Variants in FAM20B observed in about 807,000 individuals in gnomAD.
FAM20B encodes FAM20B glycosaminoglycan xylosylkinase, also known as glycosaminoglycan xylosylkinase.
A neutral mutation model predicts 43.8 loss-of-function variants in FAM20B; 23 were observed. The ratio of observed to expected loss-of-function variants is 0.53; its 90% CI spans 0.38 to 0.74. The LOEUF is 0.74. Among genes scored for constraint, FAM20B ranks in the 30% least tolerant of loss-of-function variants. The pLI, the probability that FAM20B is intolerant of heterozygous loss-of-function variation, is 0.00. For synonymous variants in FAM20B, 178 were observed against 192.4 expected (o/e 0.93, Z 0.62); for missense variants, 440 against 510.5 (o/e 0.86, Z 1.33).
intron 7 of FAM20B, among the ~76,000 whole-genome samples, chr1:179,070,899 C>G (rs1651894349): frequency 6.6e-6 from 1 of 152,054 alleles, no homozygotes; most frequent in African/African-American, 2.4e-5. Context: ...TTAAAAGACT[C>G]TACCTTGATA....
chr1:179,025,417 G>C (rs1461125618), upstream of FAM20B, among the ~76,000 whole-genome samples: 1 of 152,162 alleles, frequency 6.6e-6, no homozygotes, highest in Non-Finnish European at 1.5e-5. Flanking sequence ...AGAAGCGGGG[G>C]ATACATTTAG....
At chr1:179,029,053 G>A (rs888561873) in intron 1 of FAM20B, among the ~76,000 whole-genome samples, 1 of 152,214 alleles carries the variant, frequency 6.6e-6, no homozygotes, top group African/African-American at 2.4e-5. Flanking sequence ...TCACAACCTT[G>A]CTCCTACAGT....
chr1:179,026,326 G>C (rs1324594846), intron 1 of FAM20B, among the ~76,000 whole-genome samples: 1 of 151,760 alleles, frequency 6.6e-6, no homozygotes, highest in Non-Finnish European at 1.5e-5. Flanking sequence ...TGGGAGACCC[G>C]CTCGGGCCGC....
the FAM20B span, among the ~76,000 whole-genome samples, chr1:179,017,554 A>G: frequency 3.3e-5 from 5 of 152,214 alleles, no homozygotes; most frequent in East Asian, 9.6e-4. Context: ...AATTATTTTC[A>G]TTTTCCTTGT....
At chr1:179,062,238 T>C (rs755675687) in intron 4 of FAM20B, among the ~76,000 whole-genome samples, 2 of 152,178 alleles carry the variant, frequency 1.3e-5, no homozygotes, top group Non-Finnish European at 2.9e-5. Flanking sequence ...TGCTCATTAC[T>C]TCCTGGGTGT....
At chr1:179,053,372 G>T (rs1307489623) in intron 3 of FAM20B, among the ~76,000 whole-genome samples, 1 of 152,106 alleles carries the variant, frequency 6.6e-6, no homozygotes, top group African/African-American at 2.4e-5. Context: ...GGAGTTCCAG[G>T]CTGCAGGGAG....
At chr1:179,036,510 T>A (rs1650234255) in intron 1 of FAM20B, among the ~76,000 whole-genome samples, 1 of 152,162 alleles carries the variant, frequency 6.6e-6, no homozygotes, top group Admixed American at 6.5e-5. Context: ...TCTGAGAATG[T>A]TAGTGAGGTT....
At chr1:179,029,284 T>A (rs772827821) in intron 1 of FAM20B, among the ~76,000 whole-genome samples, 15 of 152,254 alleles carry the variant, frequency 9.9e-5, no homozygotes, top group Non-Finnish European at 1.3e-4. Flanking sequence ...TTCCTTCAGC[T>A]GTCTCTGTAA....
intron 1 of FAM20B, among the ~76,000 whole-genome samples, chr1:179,029,774 A>G (rs543459416): frequency 1.3e-5 from 2 of 152,352 alleles, no homozygotes; most frequent in East Asian, 3.9e-4. Context: ...TTTCTGCTTT[A>G]TATACATAGC....
At chr1:179,022,109 C>A (rs1415233346), upstream of FAM20B, among the ~76,000 whole-genome samples, 5 of 152,144 alleles carry the variant, frequency 3.3e-5, no homozygotes, top group Non-Finnish European at 7.3e-5. Context: ...AAGAGGCGGG[C>A]TGGGAGTAGC....
upstream of FAM20B, among the ~76,000 whole-genome samples, chr1:179,025,550 G>C (rs1557862691): frequency 2.0e-5 from 3 of 152,168 alleles, no homozygotes; most frequent in African/African-American, 7.2e-5. Flanking sequence ...CTGCTTGGCT[G>C]CCTACCTACC....
intron 4 of FAM20B, among the ~76,000 whole-genome samples, chr1:179,055,028 C>T (rs1393485061): frequency 6.6e-6 from 1 of 152,134 alleles, no homozygotes; most frequent in Non-Finnish European, 1.5e-5. Flanking sequence ...GAACTGTCTC[C>T]CATCTCCTTA....
rs1056842473 is a variant in FAM20B at position 179,050,294 on chromosome 1, T to C, written c.393T>C (p.His131=). 3.1e-6 allele frequency: 5 copies of C among 1,613,404 alleles called. No homozygotes were observed. The highest frequency in any genetic ancestry group is 2.5e-6 in the Non-Finnish European group (3 of 1,179,498). Reference sequence around the variant, plus strand: ...CACTTTGCAGGTATAGCCGAGACCATGTGGTGGAAGGGGAACCGTATGCTG... The same window carrying C: ...CACTTTGCAGGTATAGCCGAGACCACGTGGTGGAAGGGGAACCGTATGCTG... ...VFKPKRYSRD[H]VVEGEPYAGY... Residue 131 remains histidine (H), a synonymous_variant, in exon 3 of 8, where the codon CAT becomes CAC. Coordinates refer to ENST00000263733, the MANE Select transcript of FAM20B (RefSeq NM_014864.4).
chr1:179,043,633 CAT>C (rs1650636189), intron 1 of FAM20B, 80 bp from the exon 2 acceptor site: 1 of 479,596 alleles, frequency 2.1e-6, no homozygotes, highest in Non-Finnish European at 3.7e-6. Context: ...AAGGGTGAGT[CAT>C]ATATTAGAGG....
intron 4 of FAM20B, among the ~76,000 whole-genome samples, chr1:179,058,957 T>A (rs12076957): frequency 0.024 from 3,597 of 152,304 alleles, 96 homozygotes; most frequent in East Asian, 0.073. Context: ...ATTTTAGGAA[T>A]GTAGGGAGAG....
At chr1:179,066,070 T>A (rs547895558) in intron 6 of FAM20B, among the ~76,000 whole-genome samples, 1 of 152,242 alleles carries the variant, frequency 6.6e-6, no homozygotes, top group South Asian at 2.1e-4. Context: ...GTACCAGGGA[T>A]TACGAATTTG....
intron 4 of FAM20B, among the ~76,000 whole-genome samples, chr1:179,057,883 G>T (rs904503118): frequency 6.6e-6 from 1 of 152,054 alleles, no homozygotes; most frequent in African/African-American, 2.4e-5. Flanking sequence ...GTGATAATTC[G>T]TGAAGGTGAT....
At position 179,072,716 on chromosome 1, in the gene FAM20B, T is replaced by A. The variant is rs1651977553; in HGVS notation, c.*572T>A. ...GGAGGGAAGGACAAAAACAGAAAAA[T>A]GTTTGGGCTTTTAAGCCATTGGGTA... On this transcript the variant is annotated 3_prime_UTR_variant, in exon 8 of 8. Coordinates refer to ENST00000263733, the MANE Select transcript of FAM20B (RefSeq NM_014864.4). The A allele has an allele frequency of 6.6e-6, 1 of 152,444 alleles. No homozygotes were observed. Among genetic ancestry groups the A allele is most frequent in the African/African-American group, 2.4e-5 (1 of 41,380 alleles). The allele number at this position is 152,444 out of a possible 1,614,324, so 9.4% of individuals were successfully genotyped here. A position where few individuals can be genotyped will look rare whatever the true frequency, so the allele number is the denominator to read the frequency against.
rs889645470 is a variant in FAM20B, at chr1:179,076,309, G to A, written c.*4165G>A. ...CTACCACAGGTTTTTAGGAACTAAG[G>A]TGTTTCTCATAAACACAAAATGTTG... On this transcript the variant is annotated 3_prime_UTR_variant, in exon 8 of 8. Coordinates refer to ENST00000263733, the MANE Select transcript of FAM20B (RefSeq NM_014864.4). 3 of 152,122 alleles carry A rather than the reference G, an allele frequency of 2.0e-5. No homozygotes were observed. The highest frequency in any genetic ancestry group is 4.8e-5 in the African/African-American group (2 of 41,424). 9.4% of individuals were successfully genotyped at this position (152,122 alleles called of 1,614,324 possible).
Sources: allele counts gnomAD v4.1 joint callset (sites outside exome capture counted in the v4.1 genomes callset), GRCh38; gene constraint gnomAD v4.1.1; transcripts MANE v1.5; gene names NCBI Gene and HGNC (gene_info 2026-07-23, HGNC 2026-07-21).